The following MAN2B1 variants were observed in gnomAD, a reference collection of about 807,000 sequenced individuals.
MAN2B1 encodes the protein mannosidase alpha class 2B member 1, also known as lysosomal alpha-mannosidase.
In MAN2B1, 99 loss-of-function variants were observed where a neutral mutation model predicts 127.5. That is an observed-to-expected ratio of 0.78 (90% confidence interval 0.66 to 0.92). The LOEUF (loss-of-function observed/expected upper bound fraction) is 0.92, where lower values mean the gene tolerates loss of function less well. Ranked by LOEUF, MAN2B1 falls within the 40% of genes least tolerant of loss-of-function variation. The pLI, the probability that MAN2B1 is intolerant of heterozygous loss-of-function variation, is 0.00. For synonymous variants in MAN2B1, 573 were observed against 568.8 expected (o/e 1.01, Z -0.11); for missense variants, 1,304 against 1,384.8 (o/e 0.94, Z 0.93).
In MAN2B1 at chr19:12,652,607, C is replaced by T. The variant is rs1461533381; in HGVS notation, c.1831-147G>A. 1.7e-5 allele frequency: 11 copies of T among 665,262 alleles called. No homozygotes were observed. In the Admixed American group the frequency reaches 2.3e-4, roughly 14 times the overall value. 41.2% of individuals were successfully genotyped at this position (665,262 alleles called of 1,614,324 possible). ...AGTACAGTGGTGCAATCTTGGCTCA[C>T]TGCACCCCCCACCTCCCGGGTTCAA... On this transcript the variant is annotated intron_variant, in intron 14 of 23. Transcript: ENST00000456935.
intron 7 of MAN2B1, 71 bp from the exon 8 acceptor site, chr19:12,658,581 G>A: frequency 7.5e-7 from 1 of 1,326,494 alleles, no homozygotes; most frequent in Non-Finnish European, 1.1e-6. Context: ...TTCCACACAT[G>A]TGTGCACATT....
chr19:12,666,049 CTGA>C (rs2024228790), intron 1 of MAN2B1, among the ~76,000 whole-genome samples: 1 of 152,176 alleles, frequency 6.6e-6, no homozygotes, highest in Non-Finnish European at 1.5e-5. Flanking sequence ...ATAGAAGTAG[CTGA>C]TGTTTGTTCA....
Position 12,656,622 on chromosome 19 carries a change from G to A in MAN2B1, c.1593C>T (p.Ser531=), listed in dbSNP as rs757131800. The A allele has an allele frequency of 9.3e-6, 15 of 1,613,820 alleles. No individual in the cohort carries two copies. The highest frequency in any genetic ancestry group is 6.7e-5 in the Admixed American group (4 of 59,956). The change falls in exon 13 of 24, where the codon AGC becomes AGT. Residue 531 remains serine, a synonymous_variant. Transcript: ENST00000456935. ...KVNWMVRLPV[S]EGVFVVKDPN... ...GGTCCTTCACAACGAAAACGCCTTC[G>A]CTGACCGGCAGCCGTACCATCCAAT...
intron 16 of MAN2B1, among the ~76,000 whole-genome samples, chr19:12,651,419 C>A (rs1006121269): frequency 6.6e-6 from 1 of 152,146 alleles, no homozygotes; most frequent in Non-Finnish European, 1.5e-5. Context: ...GAAGGCAGAG[C>A]AACAAGATAG....
intron 11 of MAN2B1, 94 bp downstream of exon 11, chr19:12,657,352 T>C: frequency 4.4e-6 from 5 of 1,138,320 alleles, no homozygotes; most frequent in Non-Finnish European, 6.2e-6. Context: ...GGCTCTCGGC[T>C]ACGCCTCACA....
In MAN2B1 at chr19:12,647,594, G is replaced by C. The variant is rs1406466561; in HGVS notation, c.2669C>G (p.Ser890Ter). ...GGGCGGCAGGTCCCTGCGCAGCCCT[G>C]AGAACTGCGGGAGAGAGGGCGGGGC... ...NLGAPPRTQF[S>*]GLRRDLPPSV... is the part of the protein sequence containing the mutation. The change falls in exon 22 of 24, where the codon TCA (serine) becomes TGA (stop). Residue 890 changes from serine to a stop codon, truncating the protein, a stop_gained. Transcript: ENST00000456935. LOFTEE classifies it high-confidence loss of function. This position sits in a 1 kb window ranked among gnomAD's most constrained non-coding sequence, Gnocchi z 4.9. 1.2e-6 allele frequency: 2 copies of C among 1,612,630 alleles called. No homozygotes were observed. Among genetic ancestry groups the C allele is most frequent in the Non-Finnish European group, 1.7e-6 (2 of 1,179,162 alleles).
intron 6 of MAN2B1, among the ~76,000 whole-genome samples, chr19:12,661,939 G>T (rs1467817794): frequency 1.3e-5 from 2 of 152,058 alleles, no homozygotes; most frequent in Admixed American, 1.3e-4. Context: ...CCACCTGCCA[G>T]GTTCAAGCGA....
chr19:12,646,977 C>G (rs2023703204), intron 23 of MAN2B1: 3 of 606,826 alleles, frequency 4.9e-6, no homozygotes, highest in Admixed American at 5.7e-5. Context: ...GATGAACACC[C>G]TCCCAGAACT....
chr19:12,656,942 G>A lies in MAN2B1; in HGVS notation c.1527+7C>T, dbSNP rs1214746235. On this transcript the variant is annotated splice_region_variant and intron_variant, in intron 12 of 23. Transcript: ENST00000456935. ...GCCCTAGATCCACCCCTCCCGTCCC[G>A]GCTCACGCGCGCCGCCGTCTGGCTG... 5 of 1,610,282 alleles carry A rather than the reference G, an allele frequency of 3.1e-6. No individual in the cohort carries two copies. Among genetic ancestry groups the A allele is most frequent in the East Asian group, 2.2e-5 (1 of 44,856 alleles).
chr19:12,663,462 C>T lies in MAN2B1; in HGVS notation c.764G>A (p.Gly255Asp), dbSNP rs781127503. ...CGGGTTGTAACCATTGGGAAGCACACCTGCAGGTCACACCAAGTTCAAGGG... is the reference window on the plus strand; with the variant it reads ...CGGGTTGTAACCATTGGGAAGCACATCTGCAGGTCACACCAAGTTCAAGGG... ...LKPPTADLFT[G>D]VLPNGYNPPR... Residue 255 changes from glycine to aspartate, a missense_variant and splice_region_variant, in exon 6 of 24, where the codon GGT becomes GAT. Coordinates refer to ENST00000456935, the MANE Select transcript of MAN2B1 (RefSeq NM_000528.4). The T allele has an allele frequency of 4.3e-6, 7 of 1,613,766 alleles. No individual in the cohort carries two copies. The East Asian group carries it at 8.9e-5, about 21-fold the overall frequency.
intron 14 of MAN2B1, 79 bp downstream of exon 14, chr19:12,655,615 G>A: frequency 1.4e-6 from 2 of 1,456,578 alleles, no homozygotes; most frequent in Non-Finnish European, 1.9e-6. Flanking sequence ...GGGACCTGCT[G>A]ACCCAGAGTC....
At chr19:12,653,639 G>A (rs2023893323) in intron 14 of MAN2B1, among the ~76,000 whole-genome samples, 1 of 151,988 alleles carries the variant, frequency 6.6e-6, no homozygotes, top group Non-Finnish European at 1.5e-5. Context: ...CTAGAGATGG[G>A]GGTCCCACTA....
At chr19:12,664,674 C>G in intron 4 of MAN2B1, 118 bp downstream of exon 4, 1 of 1,110,632 alleles carries the variant, frequency 9.0e-7, no homozygotes, top group Non-Finnish European at 1.3e-6. Flanking sequence ...AGGGCTTCAA[C>G]AGGCCTAGGC....
At position 12,646,642 on chromosome 19, in the gene MAN2B1, T is replaced by G. The variant is rs1568296540; in HGVS notation, c.3014A>C (p.Gln1005Pro). The G allele has an allele frequency of 6.2e-7, 1 of 1,613,598 alleles. No homozygotes were observed. Among genetic ancestry groups the G allele is most frequent in the Admixed American group, 1.7e-5 (1 of 60,014 alleles). Residue 1005 changes from glutamine (Q) to proline (P), a missense_variant, in exon 24 of 24, where the codon CAA becomes CCA. Transcript: ENST00000456935. ...MEIRTFLASV[Q>P]WKEVDG is the part of the protein sequence containing the mutation. Reference sequence around the variant, plus strand: ...GACCTAACCATCCACCTCCTTCCATTGAACTGAGGCCAGGAAAGTGCGGAT... The same window carrying G: ...GACCTAACCATCCACCTCCTTCCATGGAACTGAGGCCAGGAAAGTGCGGAT...
Position 12,648,214 on chromosome 19 carries a change from G to A in MAN2B1, c.2625C>T (p.Gly875=), listed in dbSNP as rs368834616. 9.6e-5 allele frequency: 150 copies of A among 1,567,364 alleles called. No individual in the cohort carries two copies. In the African/African-American group the frequency reaches 1.8e-3, roughly 18 times the overall value. Reference sequence around the variant, plus strand: ...GAGCCCCGAGATTGTAGGCGGCGCCGCCACCCGGGGCCAGCACCACCTGAG... The same window carrying A: ...GAGCCCCGAGATTGTAGGCGGCGCCACCACCCGGGGCCAGCACCACCTGAG... ...LAPQVVLAPG[G]GAAYNLGAPP... Residue 875 remains glycine (G), a synonymous_variant, in exon 21 of 24, where the codon GGC becomes GGT. Coordinates refer to ENST00000456935, the MANE Select transcript of MAN2B1 (RefSeq NM_000528.4).
intron 6 of MAN2B1, among the ~76,000 whole-genome samples, chr19:12,662,425 C>T (rs555458769): frequency 9.1e-4 from 138 of 151,900 alleles, no homozygotes; most frequent in Non-Finnish European, 1.2e-3. Context: ...GTTAGGAGTT[C>T]GAGACCAGCC....
intron 7 of MAN2B1, among the ~76,000 whole-genome samples, chr19:12,659,917 A>G (rs2024063968): frequency 6.6e-6 from 1 of 152,186 alleles, no homozygotes; most frequent in South Asian, 2.1e-4. Context: ...GCTGGGAGCG[A>G]GTGGAAGGTG....
At chr19:12,649,251 A>C (rs773320738) in intron 19 of MAN2B1, 35 bp from the exon 20 acceptor site, 2 of 1,608,252 alleles carry the variant, frequency 1.2e-6, no homozygotes, top group African/African-American at 1.3e-5. Context: ...AGGGCAGTCA[A>C]CCCCAACCCC....
intron 18 of MAN2B1, 80 bp downstream of exon 18, chr19:12,649,833 T>G: frequency 8.2e-7 from 1 of 1,223,960 alleles, no homozygotes; most frequent in Non-Finnish European, 1.2e-6. Flanking sequence ...CACACTCATG[T>G]AATCAGCAAA....
Sources: gnomAD v4.1 joint callset for allele counts (sites outside exome capture counted in the v4.1 genomes callset) on GRCh38, gnomAD v4.1.1 for gene constraint, Gnocchi (gnomAD v3.1) non-coding constraint, MANE v1.5 for transcripts, NCBI Gene and HGNC (gene_info 2026-07-23, HGNC 2026-07-21) for gene names.